Variants in RAET1G observed in about 807,000 individuals in gnomAD.
RAET1G encodes retinoic acid early transcript 1G.
A neutral mutation model predicts 29.5 loss-of-function variants in RAET1G; 25 were observed. The observed-to-expected ratio is 0.85, with a 90% confidence interval of 0.62 to 1.18. The LOEUF (loss-of-function observed/expected upper bound fraction) is 1.18. RAET1G is among the 50% of genes most tolerant of loss of function. The probability of loss-of-function intolerance (pLI) is 0.00; values close to 1 mark genes in which losing one functional copy is unlikely to be tolerated. For synonymous variants in RAET1G, 167 were observed against 159.5 expected (o/e 1.05, Z -0.36); for missense variants, 434 against 423.6 (o/e 1.02, Z -0.22).
At chr6:149,918,908 A>T (rs1778521497) in intron 3 of RAET1G, 135 bp downstream of exon 3, 1 of 1,436,736 alleles carries the variant, frequency 7.0e-7, no homozygotes, top group Non-Finnish European at 9.4e-7. Context: ...CACCCCCAGG[A>T]GGAGCACCCC....
At position 149,919,814 on chromosome 6, in the gene RAET1G, G is replaced by C. The variant is rs576789951; in HGVS notation, c.88C>G (p.Pro30Ala). 9 of 1,612,046 alleles carry C rather than the reference G, an allele frequency of 5.6e-6. No individual in the cohort carries two copies. In the South Asian group the frequency reaches 9.9e-5, roughly 18 times the overall value. ...GTGATGTCATAGCAAAGAGAGTGAG[G>C]GTCTGTGGAGAAAGGCAGGTGAGGG... ...SSWCRTGLAD[P>A]HSLCYDITVI... The change falls in exon 2 of 5, where the codon CCT (proline) becomes GCT (alanine). Residue 30 changes from proline (P) to alanine (A), a missense_variant and splice_region_variant. Coordinates refer to ENST00000367360, the MANE Select transcript of RAET1G (RefSeq NM_001001788.4).
Position 149,923,097 on chromosome 6 carries a change from T to A in RAET1G, c.-87A>T. 1 of 854,060 alleles carries A rather than the reference T, an allele frequency of 1.2e-6. No homozygotes were observed. Among genetic ancestry groups the A allele is most frequent in the Non-Finnish European group, 1.8e-6 (1 of 563,702 alleles). 52.9% of individuals were successfully genotyped at this position (854,060 alleles called of 1,614,324 possible). Reference sequence around the variant, plus strand: ...TCGCAGGCTGTCTGAATGCAGCCCGTCTGAATGCAGCCCTAAACTCCAGTA... The same window carrying A: ...TCGCAGGCTGTCTGAATGCAGCCCGACTGAATGCAGCCCTAAACTCCAGTA... On this transcript the variant is annotated 5_prime_UTR_variant, in exon 1 of 5. Coordinates refer to ENST00000367360, the MANE Select transcript of RAET1G (RefSeq NM_001001788.4).
chr6:149,918,423 C>G (rs1484342236), intron 3 of RAET1G, 39 bp from the exon 4 acceptor site: 2 of 1,600,188 alleles, frequency 1.2e-6, no homozygotes, highest in Admixed American at 1.7e-5. Context: ...CTTGTCCAGG[C>G]CCCAAATCTG....
In RAET1G at chr6:149,919,577, G is replaced by A. The variant is rs1441397872; in HGVS notation, c.325C>T (p.Gln109Ter). 2 of 1,613,914 alleles carry A rather than the reference G, an allele frequency of 1.2e-6. No homozygotes were observed. Among genetic ancestry groups the A allele is most frequent in the African/African-American group, 2.7e-5 (2 of 74,938 alleles). ...CCCTTGGGTATGTAATTCTCCAGCT[G>A]AATGTCAAGCAGTTGCTCTGTAAGT... ...DILTEQLLDIQLENYIPKEPL... is the reference protein window; with the variant it reads ...DILTEQLLDI The change falls in exon 2 of 5, where the codon CAG (glutamine) becomes TAG (stop). Residue 109 changes from glutamine to a stop codon, truncating the protein, a stop_gained. Coordinates refer to ENST00000367360, the MANE Select transcript of RAET1G (RefSeq NM_001001788.4). LOFTEE classifies it high-confidence loss of function.
Position 149,919,269 on chromosome 6 carries a change from G to A in RAET1G, c.405C>T (p.Gly135=). The A allele has an allele frequency of 6.2e-7, 1 of 1,614,210 alleles. No homozygotes were observed. Among genetic ancestry groups the A allele is most frequent in the Non-Finnish European group, 8.5e-7 (1 of 1,180,038 alleles). ...CGAAACTGAGCTGCCAAGATCCACT[G>A]CCGTGTCCTTCGGCTTTCTGCTCAC... ...MSCEQKAEGH[G]SGSWQLSFDG... Residue 135 remains glycine (G), a synonymous_variant, in exon 3 of 5, where the codon GGC becomes GGT. Coordinates refer to ENST00000367360, the MANE Select transcript of RAET1G (RefSeq NM_001001788.4).
chr6:149,917,707 G>A (rs1450355103), intron 4 of RAET1G, among the ~76,000 whole-genome samples: 8 of 152,100 alleles, frequency 5.3e-5, no homozygotes, highest in Admixed American at 6.5e-5. Context: ...TCTTGCCTTG[G>A]CACCTGGGTG....
intron 1 of RAET1G, among the ~76,000 whole-genome samples, chr6:149,922,663 A>C (rs1425070462): frequency 6.6e-6 from 1 of 152,070 alleles, no homozygotes; most frequent in Non-Finnish European, 1.5e-5. Flanking sequence ...TCCCCGCTCC[A>C]CGTCGCCCTC....
At chr6:149,917,350 ACT>A (rs986734611) in intron 4 of RAET1G, among the ~76,000 whole-genome samples, 1 of 151,896 alleles carries the variant, frequency 6.6e-6, no homozygotes, top group African/African-American at 2.4e-5. Context: ...GGAAAGGGAA[ACT>A]CCTTTTCCCG....
intron 3 of RAET1G, 118 bp downstream of exon 3, chr6:149,918,925 A>G: frequency 6.6e-7 from 1 of 1,518,976 alleles, no homozygotes; most frequent in East Asian, 2.3e-5. Flanking sequence ...CCCCACGAGG[A>G]GGTCATTTTA....
intron 4 of RAET1G, among the ~76,000 whole-genome samples, chr6:149,917,780 AC>A (rs1778482383): frequency 6.6e-6 from 1 of 151,882 alleles, no homozygotes; most frequent in African/African-American, 2.4e-5. Flanking sequence ...CCCTTGTCAT[AC>A]CTCATGTAAA....
chr6:149,918,819 G>T, intron 3 of RAET1G: 1 of 687,558 alleles, frequency 1.5e-6, no homozygotes. Flanking sequence ...CACAGTGTGG[G>T]GAACAGAAGC....
intron 4 of RAET1G, 119 bp from the exon 5 acceptor site, chr6:149,917,193 C>T (rs746029939): frequency 4.2e-5 from 56 of 1,343,742 alleles, no homozygotes; most frequent in East Asian, 3.0e-4. Flanking sequence ...GTGTACAGGG[C>T]GGAACATGAA....
chr6:149,922,532 G>A (rs73782149), intron 1 of RAET1G, among the ~76,000 whole-genome samples: 5,442 of 152,156 alleles, frequency 0.036, 335 homozygotes, highest in African/African-American at 0.13. Flanking sequence ...GCTGGTGGGA[G>A]TGTCTGTGAT....
At chr6:149,920,893 C>T (rs1471934155) in intron 1 of RAET1G, among the ~76,000 whole-genome samples, 2 of 152,166 alleles carry the variant, frequency 1.3e-5, no homozygotes, top group Non-Finnish European at 2.9e-5. Context: ...GATGGATGAC[C>T]AGGAGGCTGA....
chr6:149,917,886 TCTGAATCAGGC>T (rs1416174546), intron 4 of RAET1G, among the ~76,000 whole-genome samples: 1 of 152,136 alleles, frequency 6.6e-6, no homozygotes, highest in African/African-American at 2.4e-5. Context: ...AGAAACCTGC[TCTGAATCAGGC>T]CTGAACTTGC....
At chr6:149,920,104 A>T (rs1186840690) in intron 1 of RAET1G, among the ~76,000 whole-genome samples, 1 of 152,154 alleles carries the variant, frequency 6.6e-6, no homozygotes, top group Non-Finnish European at 1.5e-5. Flanking sequence ...GAGAGGTGCC[A>T]GGAGTGCTAG....
At chr6:149,921,956 G>C (rs1406357593) in intron 1 of RAET1G, among the ~76,000 whole-genome samples, 1 of 151,700 alleles carries the variant, frequency 6.6e-6, no homozygotes, top group Non-Finnish European at 1.5e-5. Flanking sequence ...TCTGCAAAGG[G>C]ACAGGACTGG....
At position 149,918,967 on chromosome 6, in the gene RAET1G, T is replaced by C. The variant is rs573956419; in HGVS notation, c.631+76A>G. On this transcript the variant is annotated intron_variant, in intron 3 of 4. Transcript: ENST00000367360. ...ACGTGTACACTGGGATGATTGAAGC[T>C]GAACTCAAGAATTAGTTTCTTGAGA... The C allele has an allele frequency of 4.4e-5, 70 of 1,590,796 alleles. No homozygotes were observed. The African/African-American group carries it at 8.9e-4, about 20-fold the overall frequency.
At chr6:149,920,314 C>T (rs1778569744) in intron 1 of RAET1G, among the ~76,000 whole-genome samples, 1 of 152,154 alleles carries the variant, frequency 6.6e-6, no homozygotes, top group African/African-American at 2.4e-5. Context: ...GGTGGTGGTG[C>T]TCATCTACTA....
Sources: gnomAD v4.1 joint callset for allele counts (sites outside exome capture counted in the v4.1 genomes callset) on GRCh38, gnomAD v4.1.1 for gene constraint, MANE v1.5 for transcripts, NCBI Gene and HGNC (gene_info 2026-07-23, HGNC 2026-07-21) for gene names.